The following DNAH11 variants were observed in gnomAD, a reference collection of about 807,000 sequenced individuals.
The protein encoded by DNAH11 is dynein axonemal heavy chain 11.
In DNAH11, 442 loss-of-function variants were observed where a neutral mutation model predicts 526.0. The observed-to-expected ratio is 0.84, with a 90% CI of 0.78 to 0.91. DNAH11 has a LOEUF of 0.91. DNAH11 is among the 40% of genes least tolerant of loss of function. DNAH11 has a pLI of 0.00. For synonymous variants in DNAH11, 2,461 were observed against 1,935.9 expected (o/e 1.27, Z -7.12); for missense variants, 6,989 against 5,448.7 (o/e 1.28, Z -8.90).
At chr7:21,844,741 A>G (rs1257696997) in intron 66 of DNAH11, among the ~76,000 whole-genome samples, 3 of 152,196 alleles carry the variant, frequency 2.0e-5, no homozygotes, top group Non-Finnish European at 2.9e-5. Flanking sequence ...GGGTCCAGCA[A>G]TCATGTTTTA....
chr7:21,792,316 G>A (rs1214166088), intron 61 of DNAH11, among the ~76,000 whole-genome samples: 6 of 152,090 alleles, frequency 3.9e-5, no homozygotes, highest in Admixed American at 6.6e-5. Flanking sequence ...CAGTTTGCTC[G>A]TATTTTGTTG....
At chr7:21,638,859 G>A in intron 27 of DNAH11, 80 bp from the exon 28 acceptor site, 1 of 1,500,160 alleles carries the variant, frequency 6.7e-7, no homozygotes, top group South Asian at 1.3e-5. Context: ...AATGGACATA[G>A]AGGACTTGAG....
At chr7:21,688,463 C>T (rs1783476899) in intron 34 of DNAH11, among the ~76,000 whole-genome samples, 1 of 152,154 alleles carries the variant, frequency 6.6e-6, no homozygotes, top group African/African-American at 2.4e-5. Flanking sequence ...ATTTTCTCCC[C>T]TTGTTGATTT....
At position 21,726,935 on chromosome 7, in the gene DNAH11, C is replaced by CTTTTTTTTTTTTTTTTTT. The variant is rs1330445927; in HGVS notation, c.7440+967_7440+968insTTTTTTTTTTTTTTTTTT. On this transcript the variant is annotated intron_variant, in intron 45 of 81. Coordinates refer to ENST00000409508, the MANE Select transcript of DNAH11 (RefSeq NM_001277115.2). Reference sequence around the variant, plus strand: ...CTGTTATATTTCTGCATCCTCTTTTCTTTTTTTTTTTTTTTTGAGATGGAG... The same window carrying CTTTTTTTTTTTTTTTTTT: ...CTGTTATATTTCTGCATCCTCTTTTCTTTTTTTTTTTTTTTTTTTTTTTTTTTTTTTTTTGAGATGGAG... Among the ~76,000 whole-genome samples the CTTTTTTTTTTTTTTTTTT allele has an allele frequency of 6.3e-4, 20 of 31,990 alleles. 8 individuals are homozygous for CTTTTTTTTTTTTTTTTTT. The highest frequency in any genetic ancestry group is 1.8e-3 in the African/African-American group (12 of 6,842). 21.0% of individuals were successfully genotyped at this position (31,990 alleles called of 152,430 possible).
chr7:21,807,892 G>T lies in DNAH11; in HGVS notation c.10175G>T (p.Arg3392Leu), dbSNP rs773319818. The T allele has an allele frequency of 2.5e-6, 4 of 1,593,482 alleles. No homozygotes were observed. Among genetic ancestry groups the T allele is most frequent in the African/African-American group, 1.3e-5 (1 of 74,616 alleles). The change falls in exon 63 of 82, where the codon CGC becomes CTC. Residue 3392 changes from arginine to leucine, a missense_variant. Transcript: ENST00000409508. ...TTCATCTTTCAGTCAGAGAAGATTC[G>T]CTGGGGTCAATCCATTAAGTCCTTT... ...LVKELEAKKI[R>L]WGQSIKSFEA...
At chr7:21,614,679 T>C (rs1299255064) in intron 20 of DNAH11, among the ~76,000 whole-genome samples, 2 of 152,224 alleles carry the variant, frequency 1.3e-5, no homozygotes, top group Admixed American at 6.5e-5. Context: ...TTTGATATTA[T>C]TGATAATCTG....
chr7:21,585,021 A>G (rs1784437440), intron 9 of DNAH11, among the ~76,000 whole-genome samples: 1 of 149,960 alleles, frequency 6.7e-6, no homozygotes, highest in Non-Finnish European at 1.5e-5. Context: ...CTTTTTCACA[A>G]CCATTAGTAT....
At chr7:21,636,968 T>C (rs1392898972) in intron 26 of DNAH11, among the ~76,000 whole-genome samples, 1 of 152,170 alleles carries the variant, frequency 6.6e-6, no homozygotes, top group Non-Finnish European at 1.5e-5. Flanking sequence ...GTGCATGTAA[T>C]GATAATTGAT....
Position 21,687,206 on chromosome 7 carries a change from T to C in DNAH11, c.5729T>C (p.Leu1910Pro). 1 of 1,608,650 alleles carries C rather than the reference T, an allele frequency of 6.2e-7. No homozygotes were observed. The highest frequency in any genetic ancestry group is 2.2e-5 in the East Asian group (1 of 44,826). Residue 1910 changes from leucine to proline, a missense_variant, in exon 33 of 82, where the codon CTT (leucine) becomes CCT (proline). By Grantham distance (98) the Leu-to-Pro change is moderately conservative. Transcript: ENST00000409508. Reference sequence around the variant, plus strand: ...ACCACCAAAGACCTAGGACGTGCCCTTGGCATGATGGTCTATGTATTCAAC... The same window carrying C: ...ACCACCAAAGACCTAGGACGTGCCCCTGGCATGATGGTCTATGTATTCAAC... ...TETTKDLGRA[L>P]GMMVYVFNCS...
chr7:21,823,002 C>T (rs1455912149), intron 65 of DNAH11, among the ~76,000 whole-genome samples: 2 of 74,650 alleles, frequency 2.7e-5, no homozygotes, highest in East Asian at 7.3e-4. Flanking sequence ...GGTTGAGTTC[C>T]TTATATATTC....
intron 65 of DNAH11, among the ~76,000 whole-genome samples, chr7:21,831,533 C>T (rs971943716): frequency 2.0e-5 from 3 of 152,104 alleles, no homozygotes; most frequent in African/African-American, 7.2e-5. Flanking sequence ...TGTTTCAGAG[C>T]AAGATGTAAA....
chr7:21,868,769 C>A, intron 72 of DNAH11, 95 bp from the exon 73 acceptor site: 1 of 1,466,494 alleles, frequency 6.8e-7, no homozygotes, highest in Non-Finnish European at 9.3e-7. Context: ...AAGATGGCTG[C>A]GGTGACCACA....
intron 25 of DNAH11, among the ~76,000 whole-genome samples, chr7:21,632,445 C>T (rs1164806338): frequency 6.6e-6 from 1 of 152,156 alleles, no homozygotes; most frequent in Non-Finnish European, 1.5e-5. Context: ...CTTCTGTGGT[C>T]TGCTTCCCTT....
chr7:21,579,270 A>G (rs1457357759), intron 8 of DNAH11, among the ~76,000 whole-genome samples: 1 of 152,184 alleles, frequency 6.6e-6, no homozygotes. Context: ...CTAGCACATC[A>G]TTTATTCTGT....
chr7:21,857,759 G>A (rs796864321), intron 68 of DNAH11, among the ~76,000 whole-genome samples: 17 of 152,118 alleles, frequency 1.1e-4, no homozygotes, highest in African/African-American at 3.6e-4. Flanking sequence ...TGGTGCTGGA[G>A]CAATTGGATA....
chr7:21,799,935 C>T (rs907196610), intron 61 of DNAH11, among the ~76,000 whole-genome samples: 1 of 152,168 alleles, frequency 6.6e-6, no homozygotes, highest in Non-Finnish European at 1.5e-5. Flanking sequence ...ACTTAATATG[C>T]TAGCAAGATA....
At chr7:21,681,393 C>T (rs1783130073) in intron 30 of DNAH11, among the ~76,000 whole-genome samples, 153 bp from the exon 31 acceptor site, 2 of 151,994 alleles carry the variant, frequency 1.3e-5, no homozygotes, top group East Asian at 1.9e-4. Context: ...TGCCACTGCA[C>T]TCCAGCCTGG....
chr7:21,866,714 T>C, intron 71 of DNAH11, 51 bp downstream of exon 71: 1 of 1,540,804 alleles, frequency 6.5e-7, no homozygotes. Context: ...ATAGAGGAAA[T>C]GTAGTCTGAA....
chr7:21,892,271 G>A (rs543096609), intron 76 of DNAH11, among the ~76,000 whole-genome samples, 154 bp from the exon 77 acceptor site: 1 of 152,168 alleles, frequency 6.6e-6, no homozygotes, highest in African/African-American at 2.4e-5. Flanking sequence ...TGCATATAGA[G>A]CAAAATTGTT....
Sources: gnomAD v4.1 joint callset for allele counts (sites outside exome capture counted in the v4.1 genomes callset) on GRCh38, gnomAD v4.1.1 for gene constraint, MANE v1.5 for transcripts, NCBI Gene and HGNC (gene_info 2026-07-23, HGNC 2026-07-21) for gene names.